FRMD1: variants seen among roughly 807,000 people sequenced by gnomAD.
The protein encoded by FRMD1 is FERM domain containing 1, also known as FERM domain-containing protein 1.
A neutral mutation model predicts 54.9 loss-of-function variants in FRMD1; 51 were observed. The ratio of observed to expected loss-of-function variants is 0.93; its 90% CI spans 0.74 to 1.17. The LOEUF (loss-of-function observed/expected upper bound fraction) is 1.17. Among genes scored for constraint, FRMD1 ranks in the 50% most tolerant of loss-of-function variants. FRMD1 has a pLI of 0.00. For synonymous variants in FRMD1, 324 were observed against 306.4 expected (o/e 1.06, Z -0.60); for missense variants, 729 against 743.0 (o/e 0.98, Z 0.22).
At chr6:168,066,328 G>T in intron 4 of FRMD1, 2 of 571,958 alleles carry the variant, frequency 3.5e-6, no homozygotes, top group Non-Finnish European at 4.4e-6. Context: ...GAGAAACCCC[G>T]TCTCTACTGA....
chr6:168,090,790 G>C (rs565105240), intron 1 of FRMD1, among the ~76,000 whole-genome samples: 1 of 152,326 alleles, frequency 6.6e-6, no homozygotes, highest in East Asian at 1.9e-4. Context: ...GACACCCAGG[G>C]CACACGTCCA....
At chr6:168,067,878 G>A (rs1181155223) in intron 2 of FRMD1, among the ~76,000 whole-genome samples, 2 of 152,056 alleles carry the variant, frequency 1.3e-5, no homozygotes, top group Admixed American at 6.5e-5. Context: ...TGGAGGCCAA[G>A]GCAGGAGGAT....
upstream of FRMD1, chr6:168,079,285 G>T: frequency 9.1e-7 from 1 of 1,103,556 alleles, no homozygotes; most frequent in Non-Finnish European, 1.2e-6. Context: ...ATAGCTGGGT[G>T]TGTGGAGGGC....
intron 2 of FRMD1, among the ~76,000 whole-genome samples, chr6:168,068,090 T>C (rs1275015655): frequency 1.3e-5 from 2 of 152,032 alleles, no homozygotes; most frequent in South Asian, 2.1e-4. Context: ...CCAGTGTGGG[T>C]GATAAGAGTG....
At chr6:168,083,051 G>A (rs570006291), upstream of FRMD1, among the ~76,000 whole-genome samples, 1 of 152,354 alleles carries the variant, frequency 6.6e-6, no homozygotes, top group South Asian at 2.1e-4. Flanking sequence ...CATGTGGAGC[G>A]CCGGAGGTGC....
intron 2 of FRMD1, among the ~76,000 whole-genome samples, chr6:168,069,405 C>A (rs1226371758): frequency 6.6e-6 from 1 of 152,204 alleles, no homozygotes; most frequent in Admixed American, 6.5e-5. Flanking sequence ...TCTGCCAATG[C>A]CCGGTCTAAG....
chr6:168,076,433 C>T (rs1296398024), intron 1 of FRMD1, among the ~76,000 whole-genome samples: 1 of 152,226 alleles, frequency 6.6e-6, no homozygotes, highest in African/African-American at 2.4e-5. Context: ...TTCTCATAAT[C>T]TTCCTGTGCT....
At position 168,090,489 on chromosome 6, in the gene FRMD1, C is replaced by T. The variant is rs569779596; in HGVS notation, c.-12+10936G>A. Among the ~76,000 whole-genome samples, 228 of 152,328 alleles carry T rather than the reference C, an allele frequency of 1.5e-3. 1 individual carries two copies. The highest frequency in any genetic ancestry group is 5.4e-3 in the African/African-American group (225 of 41,582). On this transcript the variant is annotated intron_variant, in intron 1 of 12. Coordinates refer to the FRMD1 transcript ENST00000644440. ...ACATGCTGTCTGAGGAGCTCTTTCC[C>T]AGCGTGGCTGCCCAGCCCATCTTCT...
Position 168,059,714 on chromosome 6 carries a change from G to A in FRMD1, c.1343-526C>T, listed in dbSNP as rs1325969243. On this transcript the variant is annotated intron_variant, in intron 9 of 10. Transcript: ENST00000283309. The surrounding 1 kb of genome is among the most constrained non-coding windows in gnomAD (Gnocchi z 4.4). ...GCAGAGCTCACGTCCCCTTTCTGGG[G>A]CAATGAGGAAGCTCTTCAGGGCCTC... is the stretch of plus-strand genomic sequence containing the variant. Among the ~76,000 whole-genome samples the A allele has an allele frequency of 1.3e-5, 2 of 152,154 alleles. No individual in the cohort carries two copies. Among genetic ancestry groups the A allele is most frequent in the Non-Finnish European group, 2.9e-5 (2 of 68,036 alleles).
chr6:168,062,332 C>A (rs945809844), intron 7 of FRMD1, among the ~76,000 whole-genome samples: 4 of 152,210 alleles, frequency 2.6e-5, no homozygotes, highest in African/African-American at 9.6e-5. Context: ...GTGGGGTGAC[C>A]CTGGGTGACA....
intron 9 of FRMD1, among the ~76,000 whole-genome samples, chr6:168,060,521 G>A (rs1367468710): frequency 6.6e-6 from 1 of 152,154 alleles, no homozygotes. Flanking sequence ...GCTGCCCCTT[G>A]GCAGGAACAG....
chr6:168,062,693 T>A (rs1054096685), intron 7 of FRMD1: 1 of 1,550,738 alleles, frequency 6.4e-7, no homozygotes, highest in Middle Eastern at 1.7e-4. Context: ...CTTCCCAACG[T>A]GGGGCCAGGG....
At chr6:168,081,590 C>A, upstream of FRMD1, 1 of 1,341,182 alleles carries the variant, frequency 7.5e-7, no homozygotes, top group Non-Finnish European at 9.8e-7. Context: ...AGAACTCAAG[C>A]TTCGGAGCTC....
intron 2 of FRMD1, 53 bp downstream of exon 2, chr6:168,075,192 C>T: frequency 4.0e-6 from 6 of 1,512,242 alleles, no homozygotes; most frequent in Non-Finnish European, 3.7e-6. Flanking sequence ...CCTTGACCTC[C>T]AGCAGATGCG....
chr6:168,075,426 G>A (rs1800541507), intron 1 of FRMD1, 91 bp from the exon 2 acceptor site: 2 of 1,006,436 alleles, frequency 2.0e-6, no homozygotes, highest in Non-Finnish European at 3.1e-6. Flanking sequence ...GGGGCACCAG[G>A]TGGACGACCC....
chr6:168,081,546 C>T (rs1800831860), upstream of FRMD1: 1 of 1,509,918 alleles, frequency 6.6e-7, no homozygotes, highest in Middle Eastern at 1.7e-4. Context: ...CATCCTCTAT[C>T]ATGAGATAGA....
At chr6:168,068,235 A>T (rs1800142982) in intron 2 of FRMD1, among the ~76,000 whole-genome samples, 1 of 152,172 alleles carries the variant, frequency 6.6e-6, no homozygotes, top group Non-Finnish European at 1.5e-5. Flanking sequence ...ACTATAAGAG[A>T]CGCTTCTTTC....
intron 1 of FRMD1, among the ~76,000 whole-genome samples, chr6:168,087,482 C>A (rs755167529): frequency 1.3e-5 from 2 of 152,222 alleles, no homozygotes; most frequent in Non-Finnish European, 2.9e-5. Context: ...GTCAGTCAAC[C>A]CAGGTGCACA....
chr6:168,063,830 A>G, intron 5 of FRMD1, 74 bp from the exon 6 acceptor site: 1 of 1,481,906 alleles, frequency 6.7e-7, no homozygotes, highest in Non-Finnish European at 9.0e-7. Context: ...CCCTGCTCCG[A>G]GAAGCTTCCC....
Sources: gnomAD v4.1 joint callset for allele counts (sites outside exome capture counted in the v4.1 genomes callset) on GRCh38, gnomAD v4.1.1 for gene constraint, Gnocchi (gnomAD v3.1) non-coding constraint, MANE v1.5 for transcripts, NCBI Gene and HGNC (gene_info 2026-07-23, HGNC 2026-07-21) for gene names.